Variants in SEC23A observed in about 807,000 individuals in gnomAD.
SEC23A encodes the protein SEC23 homolog A, COPII component.
A neutral mutation model predicts 103.7 loss-of-function variants in SEC23A; 56 were observed. The observed-to-expected ratio is 0.54, with a 90% CI of 0.44 to 0.67. The LOEUF is 0.67. Among genes scored for constraint, SEC23A ranks in the 30% least tolerant of loss-of-function variants. The pLI, the probability that SEC23A is intolerant of heterozygous loss-of-function variation, is 0.00. For synonymous variants in SEC23A, 281 were observed against 293.0 expected, an observed-to-expected ratio of 0.96 and a Z score of 0.42; for missense variants, 784 against 936.4, an observed-to-expected ratio of 0.84 and a Z score of 2.12.
At chr14:39,048,431 T>C (rs1216388405) in intron 15 of SEC23A, among the ~76,000 whole-genome samples, 1 of 149,928 alleles carries the variant, frequency 6.7e-6, no homozygotes. Context: ...CTGGGCAACA[T>C]AGCAGGAAAC....
chr14:39,098,260 A>G (rs1012070116), intron 1 of SEC23A, among the ~76,000 whole-genome samples: 6 of 152,096 alleles, frequency 3.9e-5, no homozygotes, highest in African/African-American at 1.4e-4. Context: ...GCAATAAAGA[A>G]AAAACAACCA....
At chr14:39,088,239 A>G (rs1887516602) in intron 5 of SEC23A, 1 of 152,212 alleles carries the variant, frequency 6.6e-6, no homozygotes, top group African/African-American at 2.4e-5. Flanking sequence ...ATAGGGAAAG[A>G]AAATAAACAT....
intron 7 of SEC23A, among the ~76,000 whole-genome samples, chr14:39,078,834 A>G (rs1566503860): frequency 1.3e-5 from 2 of 152,232 alleles, no homozygotes; most frequent in South Asian, 2.1e-4. Context: ...TAAATATATA[A>G]AGAGATATAG....
At chr14:39,060,550 C>T (rs758665219) in intron 13 of SEC23A, among the ~76,000 whole-genome samples, 1 of 152,172 alleles carries the variant, frequency 6.6e-6, no homozygotes. Flanking sequence ...AAGTTCAAGA[C>T]AAACAGAAAT....
intron 14 of SEC23A, 91 bp downstream of exon 14, chr14:39,055,052 T>C: frequency 6.8e-7 from 1 of 1,466,624 alleles, no homozygotes; most frequent in East Asian, 2.3e-5. Context: ...TCAGATACAC[T>C]GTTAAGTACT....
chr14:39,065,000 A>C lies in SEC23A; in HGVS notation c.1228-7T>G. On this transcript the variant is annotated splice_polypyrimidine_tract_variant and splice_region_variant and intron_variant, in intron 10 of 19. Transcript: ENST00000307712. ...TCTTTATTTCCCTTGAGGTCTGCAA[A>C]ATAAGAATACAGCATGTTCGGTTTC... is the stretch of plus-strand genomic sequence containing the variant. 2 of 1,590,556 alleles carry C rather than the reference A, an allele frequency of 1.3e-6. No individual in the cohort carries two copies. The highest frequency in any genetic ancestry group is 8.6e-7 in the Non-Finnish European group (1 of 1,158,516).
intron 13 of SEC23A, among the ~76,000 whole-genome samples, chr14:39,058,819 TATTA>T (rs1195000119): frequency 1.3e-5 from 2 of 152,218 alleles, no homozygotes; most frequent in Non-Finnish European, 2.9e-5. Flanking sequence ...TTTAGTGTTT[TATTA>T]ATTATTTTAG....
At chr14:39,035,531 T>C (rs1445397404) in intron 19 of SEC23A, among the ~76,000 whole-genome samples, 1 of 152,224 alleles carries the variant, frequency 6.6e-6, no homozygotes, top group Non-Finnish European at 1.5e-5. Flanking sequence ...AGAAGTCAAG[T>C]AACTTGCAGA....
Position 39,103,015 on chromosome 14 carries a change from C to G in SEC23A, c.-22+17G>C, listed in dbSNP as rs1594496957. The G allele has an allele frequency of 1.3e-5, 2 of 153,416 alleles. No homozygotes were observed. The highest frequency in any genetic ancestry group is 4.8e-5 in the African/African-American group (2 of 41,456). The allele number at this position is 153,416 out of a possible 1,614,324, so 9.5% of individuals were successfully genotyped here. The stretch of plus-strand genomic sequence containing the variant: ...CAGCCCGCCGCCGCCAGCCCGCCCC[C>G]GCTCCCCGCTGCGCACCTGCGGTCC... On this transcript the variant is annotated intron_variant, in intron 1 of 19. Coordinates refer to ENST00000307712, the MANE Select transcript of SEC23A (RefSeq NM_006364.4).
chr14:39,037,924 G>A (rs1018197933), intron 19 of SEC23A, among the ~76,000 whole-genome samples: 1 of 151,926 alleles, frequency 6.6e-6, no homozygotes, highest in Non-Finnish European at 1.5e-5. Flanking sequence ...GATTATTTTC[G>A]TAAATATACT....
intron 7 of SEC23A, among the ~76,000 whole-genome samples, chr14:39,081,801 A>G (rs1258822743): frequency 6.6e-6 from 1 of 152,034 alleles, no homozygotes; most frequent in African/African-American, 2.4e-5. Flanking sequence ...ATATTGGAGT[A>G]TGCAGACATA....
Position 39,045,260 on chromosome 14 carries a change from G to C in SEC23A, c.1802C>G (p.Ser601Ter). ...ACGCATAAAATGGTGACGATAATAT[G>C]AACTCTCATCAGGACTATTGTTAAA... ...QVFNNSPDES[S>*]YYRHHFMRQD... is the part of the protein sequence containing the mutation. The change falls in exon 16 of 20, where the codon TCA becomes TGA. Residue 601 changes from serine (S) to a stop codon, truncating the protein, a stop_gained. Coordinates refer to ENST00000307712, the MANE Select transcript of SEC23A (RefSeq NM_006364.4). LOFTEE classifies it high-confidence loss of function. The C allele has an allele frequency of 6.2e-7, 1 of 1,612,196 alleles. No individual in the cohort carries two copies. Among genetic ancestry groups the C allele is most frequent in the Non-Finnish European group, 8.5e-7 (1 of 1,178,526 alleles).
At position 39,074,518 on chromosome 14, in the gene SEC23A, A is replaced by G. The variant is rs1260820565; in HGVS notation, c.1000T>C (p.Leu334=). 2 of 1,595,894 alleles carry G rather than the reference A, an allele frequency of 1.3e-6. No individual in the cohort carries two copies. Among genetic ancestry groups the G allele is most frequent in the South Asian group, 1.1e-5 (1 of 90,584 alleles). Residue 334 remains leucine, a synonymous_variant, in exon 9 of 20, where the codon TTG becomes CTG. Transcript: ENST00000307712. ...CCAGTTGTAGCAGCTCGATTAGCCA[A>G]TGCTTCAAAATGCTACAAAAGATTT... The part of the protein sequence containing the change: ...VKKGTKHFEA[L]ANRAATTGHV...
At chr14:39,090,833 G>A (rs1253587742) in intron 5 of SEC23A, 3 of 225,324 alleles carry the variant, frequency 1.3e-5, no homozygotes, top group Non-Finnish European at 2.6e-5. Context: ...CATCACAGTG[G>A]ATTAGATCAA....
rs141370900 is a variant in SEC23A, at chr14:39,100,506, G to A, written c.-22+2526C>T. ...CGGCTCACCGCAAACTCCTCCTCCC[G>A]GATTCAAGCAATTCTCCCGCCTCAG... On this transcript the variant is annotated intron_variant, in intron 1 of 19. Transcript: ENST00000307712. 2.1e-3 allele frequency among the ~76,000 whole-genome samples: 312 copies of A among 150,220 alleles called. 1 individual carries two copies. The highest frequency in any genetic ancestry group is 7.1e-3 in the African/African-American group (288 of 40,806).
chr14:39,056,425 G>A (rs1359852040), intron 13 of SEC23A, among the ~76,000 whole-genome samples: 3 of 150,402 alleles, frequency 2.0e-5, no homozygotes, highest in South Asian at 2.1e-4. Flanking sequence ...GAGCCACCAC[G>A]CCCAGCCTAC....
At chr14:39,096,318 G>A (rs1045683905) in intron 1 of SEC23A, among the ~76,000 whole-genome samples, 179 bp from the exon 2 acceptor site, 1 of 152,094 alleles carries the variant, frequency 6.6e-6, no homozygotes, top group African/African-American at 2.4e-5. Flanking sequence ...ATCACCTGAG[G>A]TCGGGAGTTC....
intron 1 of SEC23A, among the ~76,000 whole-genome samples, chr14:39,100,561 A>G (rs1464717976): frequency 6.6e-6 from 1 of 151,578 alleles, no homozygotes; most frequent in Non-Finnish European, 1.5e-5. Flanking sequence ...TACGGGCATA[A>G]GCCACCACAC....
rs1850946116 is a variant in SEC23A at position 39,089,287 on chromosome 14, A to G, written c.603+2190T>C. Among the ~76,000 whole-genome samples the G allele has an allele frequency of 2.0e-5, 3 of 152,214 alleles. No homozygotes were observed. The South Asian group carries it at 6.2e-4, about 31-fold the overall frequency. ...ATTCTAAATAAATTCATAATTTAATAATAACATTAATAGTAGCAAATGCTT... is the reference window on the plus strand; with the variant it reads ...ATTCTAAATAAATTCATAATTTAATGATAACATTAATAGTAGCAAATGCTT... On this transcript the variant is annotated intron_variant, in intron 5 of 19. Coordinates refer to ENST00000307712, the MANE Select transcript of SEC23A (RefSeq NM_006364.4).
Sources: gnomAD v4.1 joint callset for allele counts (sites outside exome capture counted in the v4.1 genomes callset) on GRCh38, gnomAD v4.1.1 for gene constraint, MANE v1.5 for transcripts, NCBI Gene and HGNC (gene_info 2026-07-23, HGNC 2026-07-21) for gene names.